The following MXRA7 variants were observed in gnomAD, a reference collection of about 807,000 sequenced individuals.
The protein encoded by MXRA7 is matrix remodeling associated 7, also known as matrix-remodeling-associated protein 7.
Under a neutral mutation model 17.4 loss-of-function variants are expected in MXRA7, and 18 were observed. That is an observed-to-expected ratio of 1.03 (90% confidence interval 0.71 to 1.53). The LOEUF is 1.53. Among genes scored for constraint, MXRA7 ranks in the 40% most tolerant of loss-of-function variants. MXRA7 has a pLI of 0.00. For synonymous variants in MXRA7, 70 were observed against 101.7 expected, an observed-to-expected ratio of 0.69 and a Z score of 1.87; for missense variants, 141 against 209.3, an observed-to-expected ratio of 0.67 and a Z score of 2.01.
chr17:76,702,934 C>T (rs1056186131), intron 1 of MXRA7, among the ~76,000 whole-genome samples: 20 of 142,802 alleles, frequency 1.4e-4, no homozygotes, highest in African/African-American at 5.2e-4. Flanking sequence ...GAAAGGCTAA[C>T]GGCTGACTTG....
chr17:76,709,656 G>C (rs936382869), intron 1 of MXRA7: 4 of 153,108 alleles, frequency 2.6e-5, no homozygotes, highest in African/African-American at 9.6e-5. Flanking sequence ...TCCCTTCCAA[G>C]AAAAGGAGCT....
chr17:76,679,596 G>C lies in MXRA7; in HGVS notation c.*1271C>G, dbSNP rs1279434255. The C allele has an allele frequency of 4.1e-6, 4 of 973,296 alleles. No homozygotes were observed. Among genetic ancestry groups the C allele is most frequent in the African/African-American group, 3.5e-5 (2 of 57,010 alleles). The allele number at this position is 973,296 out of a possible 1,614,324, so 60.3% of individuals were successfully genotyped here. On this transcript the variant is annotated 3_prime_UTR_variant, in exon 4 of 4. Coordinates refer to ENST00000449428, the MANE Select transcript of MXRA7 (RefSeq NM_198530.4). ...GAGATCATCTACTCAAAGTTTATTGGACTGAACAAAGGCTGAATACAGAGA... is the reference window on the plus strand; with the variant it reads ...GAGATCATCTACTCAAAGTTTATTGCACTGAACAAAGGCTGAATACAGAGA...
At chr17:76,677,205 T>G, downstream of MXRA7, 1 of 159,380 alleles carries the variant, frequency 6.3e-6, no homozygotes, top group Non-Finnish European at 1.4e-5. Flanking sequence ...GGCAGGAGAG[T>G]CGCTTGAATC....
intron 3 of MXRA7, chr17:76,683,746 G>A (rs1567977618): frequency 1.3e-6 from 1 of 778,382 alleles, no homozygotes. Context: ...GGTTATGAAG[G>A]CGATGGAGGA....
At chr17:76,688,524 G>A (rs978458800) in intron 1 of MXRA7, 3 of 1,285,654 alleles carry the variant, frequency 2.3e-6, no homozygotes, top group Admixed American at 7.8e-5. Flanking sequence ...AGCAGACAAA[G>A]GGTGCAAGAG....
chr17:76,696,499 G>A (rs1331825024), intron 1 of MXRA7, among the ~76,000 whole-genome samples: 5 of 151,992 alleles, frequency 3.3e-5, no homozygotes, highest in African/African-American at 1.2e-4. Flanking sequence ...CCAACTGAGT[G>A]ACAGTGGGAG....
chr17:76,699,462 A>G (rs2076569672), intron 1 of MXRA7, among the ~76,000 whole-genome samples: 1 of 152,082 alleles, frequency 6.6e-6, no homozygotes, highest in South Asian at 2.1e-4. Context: ...CAGCTTTAAG[A>G]ACATCTTCAA....
At chr17:76,697,246 A>G (rs567772956) in intron 1 of MXRA7, among the ~76,000 whole-genome samples, 3 of 152,316 alleles carry the variant, frequency 2.0e-5, no homozygotes, top group South Asian at 4.1e-4. Flanking sequence ...GTGAGTGCAC[A>G]GAGGAAAGAC....
intron 1 of MXRA7, among the ~76,000 whole-genome samples, chr17:76,697,997 T>G (rs1167960683): frequency 6.6e-6 from 1 of 152,088 alleles, no homozygotes; most frequent in Non-Finnish European, 1.5e-5. Context: ...GATTTCTGCC[T>G]GCGTGTCTGC....
intron 1 of MXRA7, among the ~76,000 whole-genome samples, chr17:76,708,940 T>C (rs2076690793): frequency 6.6e-6 from 1 of 152,184 alleles, no homozygotes; most frequent in African/African-American, 2.4e-5. Flanking sequence ...CATACTGCCT[T>C]GTCCTTCAGA....
intron 1 of MXRA7, among the ~76,000 whole-genome samples, chr17:76,701,067 G>A (rs775342252): frequency 7.2e-5 from 11 of 152,068 alleles, no homozygotes; most frequent in African/African-American, 2.2e-4. Flanking sequence ...GGAATTGCAC[G>A]CGGAGGGCTG....
intron 1 of MXRA7, chr17:76,690,135 T>C (rs1195371216): frequency 2.0e-5 from 3 of 151,884 alleles, no homozygotes; most frequent in Non-Finnish European, 4.4e-5. Flanking sequence ...TTGCTGTAAA[T>C]GGCAAAGTGG....
chr17:76,693,969 G>A (rs1477415001), intron 1 of MXRA7, among the ~76,000 whole-genome samples: 1 of 152,188 alleles, frequency 6.6e-6, no homozygotes, highest in Non-Finnish European at 1.5e-5. Flanking sequence ...TGAAAACACT[G>A]CTCAATTGGC....
intron 2 of MXRA7, among the ~76,000 whole-genome samples, chr17:76,687,243 G>A (rs2076409612): frequency 6.6e-6 from 1 of 152,160 alleles, no homozygotes; most frequent in Admixed American, 6.5e-5. Flanking sequence ...CCTGCTTCAG[G>A]CTGTGCTGAT....
downstream of MXRA7, chr17:76,675,726 A>C (rs1027819226): frequency 3.3e-5 from 5 of 152,232 alleles, no homozygotes; most frequent in Non-Finnish European, 7.3e-5. Flanking sequence ...GACCACAAAA[A>C]GAAAGAAAAA....
chr17:76,677,763 G>T, downstream of MXRA7: 1 of 1,234,314 alleles, frequency 8.1e-7, no homozygotes, highest in Non-Finnish European at 1.2e-6. Context: ...GAGAGAGGGA[G>T]CCTGTGTGCA....
intron 2 of MXRA7, among the ~76,000 whole-genome samples, chr17:76,687,059 A>C (rs1382761571): frequency 6.6e-6 from 1 of 152,206 alleles, no homozygotes; most frequent in Non-Finnish European, 1.5e-5. Context: ...CAAGTCACTA[A>C]CAGGATCCCT....
chr17:76,709,320 AC>A (rs1286638764), intron 1 of MXRA7, among the ~76,000 whole-genome samples: 1 of 152,062 alleles, frequency 6.6e-6, no homozygotes. Flanking sequence ...ACATGTCCAA[AC>A]CGCGCCCCCT....
At chr17:76,688,709 C>G in intron 1 of MXRA7, 1 of 1,227,870 alleles carries the variant, frequency 8.1e-7, no homozygotes, top group Non-Finnish European at 1.0e-6. Context: ...ACACAATAAA[C>G]AGATGATCAG....
Sources: allele counts gnomAD v4.1 joint callset (sites outside exome capture counted in the v4.1 genomes callset), GRCh38; gene constraint gnomAD v4.1.1; transcripts MANE v1.5; gene names NCBI Gene and HGNC (gene_info 2026-07-23, HGNC 2026-07-21).